BRAF: variants seen among roughly 807,000 people sequenced by gnomAD.
BRAF encodes B-Raf proto-oncogene, serine/threonine kinase.
BRAF carries 16 observed loss-of-function variants against 104.6 expected under a neutral mutation model. The ratio of observed to expected loss-of-function variants is 0.15; its 90% CI spans 0.10 to 0.23. The LOEUF is 0.23. Among genes scored for constraint, BRAF ranks in the 10% least tolerant of loss-of-function variants. BRAF has a pLI of 1.00. For missense variants in BRAF, 541 were observed against 937.3 expected (o/e 0.58, Z 5.52); for synonymous variants, 310 against 341.6 (o/e 0.91, Z 1.02).
chr7:140,810,244 C>G (rs561806113), intron 3 of BRAF, among the ~76,000 whole-genome samples: 1 of 151,708 alleles, frequency 6.6e-6, no homozygotes, highest in Non-Finnish European at 1.5e-5. Flanking sequence ...CCAGAAATAA[C>G]AGGACGCAGA....
At chr7:140,858,458 T>A (rs2129080920) in intron 1 of BRAF, among the ~76,000 whole-genome samples, 1 of 152,362 alleles carries the variant, frequency 6.6e-6, no homozygotes, top group South Asian at 2.1e-4. Context: ...GCAATTGGAC[T>A]AATCCAAAAT....
rs1294546846 is a variant in BRAF, at chr7:140,903,972, GT to G, written c.138+20593del. On this transcript the variant is annotated intron_variant, in intron 1 of 19. Coordinates refer to ENST00000644969, the MANE Select transcript of BRAF (RefSeq NM_001374258.1). ...TACTTCTTATGGATGAGTAAAAAAA[GT>G]GGTTTCTTGACATGAACTCTACTCT... 3.9e-5 allele frequency among the ~76,000 whole-genome samples: 6 copies of G among 152,230 alleles called. No individual in the cohort carries two copies. In the South Asian group the frequency reaches 6.2e-4, roughly 16 times the overall value.
At chr7:140,744,289 T>G (rs1161758672) in intron 17 of BRAF, among the ~76,000 whole-genome samples, 3 of 152,236 alleles carry the variant, frequency 2.0e-5, no homozygotes, top group Admixed American at 6.5e-5. Flanking sequence ...TCAGGTGAGC[T>G]TCCCTGGTTG....
At chr7:140,749,166 T>C (rs1797585430) in intron 17 of BRAF, 121 bp downstream of exon 16, 9 of 1,374,032 alleles carry the variant, frequency 6.6e-6, no homozygotes, top group South Asian at 1.3e-5. Context: ...TTTCTAAAAC[T>C]GGTAACAAAA....
intron 1 of BRAF, among the ~76,000 whole-genome samples, chr7:140,907,482 C>CA (rs1816453810): frequency 6.6e-6 from 1 of 152,138 alleles, no homozygotes; most frequent in African/African-American, 2.4e-5. Context: ...AGGATGGTCT[C>CA]AATCTCCTGA....
At chr7:140,866,109 T>C (rs1810936903) in intron 1 of BRAF, among the ~76,000 whole-genome samples, 1 of 152,216 alleles carries the variant, frequency 6.6e-6, no homozygotes, top group African/African-American at 2.4e-5. Context: ...TTCTGTCACA[T>C]AAAACTGAAT....
At chr7:140,808,194 A>G (rs1803853350) in intron 4 of BRAF, 132 bp from the exon 5 acceptor site, 2 of 718,818 alleles carry the variant, frequency 2.8e-6, no homozygotes, top group Admixed American at 4.1e-5. Context: ...CTAATATTCC[A>G]TCGTTAGAAA....
At chr7:140,828,074 T>C (rs540413427) in intron 3 of BRAF, among the ~76,000 whole-genome samples, 1 of 152,124 alleles carries the variant, frequency 6.6e-6, no homozygotes, top group South Asian at 2.1e-4. Flanking sequence ...TTTGTATTTA[T>C]AGTAGAGATG....
chr7:140,721,154 TA>T lies in BRAF; in HGVS notation c.*5339del. ...CTCATACACACTCGTCAAGTCACTA[TA>T]ATTATTCAAAATAGCTAAATAAATG... On this transcript the variant is annotated 3_prime_UTR_variant, in exon 20 of 20. Coordinates refer to ENST00000644969, the MANE Select transcript of BRAF (RefSeq NM_001374258.1). The T allele has an allele frequency of 9.4e-7, 1 of 1,064,162 alleles. No homozygotes were observed. The highest frequency in any genetic ancestry group is 1.1e-6 in the Non-Finnish European group (1 of 877,914). 65.9% of individuals were successfully genotyped at this position (1,064,162 alleles called of 1,614,324 possible).
At chr7:140,861,427 G>T (rs997093095) in intron 1 of BRAF, among the ~76,000 whole-genome samples, 1 of 152,200 alleles carries the variant, frequency 6.6e-6, no homozygotes, top group Non-Finnish European at 1.5e-5. Flanking sequence ...GTTACTGGGT[G>T]TATAGGTTTT....
At chr7:140,833,584 AG>A (rs1807018384) in intron 3 of BRAF, among the ~76,000 whole-genome samples, 1 of 152,234 alleles carries the variant, frequency 6.6e-6, no homozygotes, top group Non-Finnish European at 1.5e-5. Context: ...ATAAAGAGAA[AG>A]GGTAGAACTG....
In BRAF at chr7:140,767,599, C is replaced by T. The variant is rs192588213; in HGVS notation, c.1814+9313G>A. 7.2e-5 allele frequency among the ~76,000 whole-genome samples: 11 copies of T among 152,130 alleles called. No homozygotes were observed. The East Asian group carries it at 1.9e-3, about 27-fold the overall frequency. On this transcript the variant is annotated intron_variant, in intron 14 of 19. Coordinates refer to ENST00000644969, the MANE Select transcript of BRAF (RefSeq NM_001374258.1). Reference sequence around the variant, plus strand: ...GGCTTAAGGATATGAGGTTTTGAGGCGGTATGACAGTGTCTAAAAGAGGAC... The same window carrying T: ...GGCTTAAGGATATGAGGTTTTGAGGTGGTATGACAGTGTCTAAAAGAGGAC...
intron 16 of BRAF, among the ~76,000 whole-genome samples, chr7:140,750,036 G>C (rs925278025): frequency 6.6e-6 from 1 of 152,154 alleles, no homozygotes; most frequent in African/African-American, 2.4e-5. Flanking sequence ...AGAATCTTCT[G>C]GCTGCTGCTT....
intron 3 of BRAF, among the ~76,000 whole-genome samples, chr7:140,826,497 A>G (rs899108926): frequency 3.9e-5 from 6 of 152,168 alleles, no homozygotes; most frequent in African/African-American, 1.4e-4. Context: ...CACCATTTGA[A>G]GTTAAGTTTC....
At chr7:140,747,173 G>A (rs1797419989) in intron 17 of BRAF, among the ~76,000 whole-genome samples, 1 of 152,184 alleles carries the variant, frequency 6.6e-6, no homozygotes. Flanking sequence ...CCTTCAAAAT[G>A]TGGAGTTTCA....
intron 1 of BRAF, among the ~76,000 whole-genome samples, chr7:140,914,537 T>C (rs1372047349): frequency 6.6e-6 from 1 of 152,196 alleles, no homozygotes; most frequent in Non-Finnish European, 1.5e-5. Flanking sequence ...CTGACACTAT[T>C]CCCATGGAAG....
At chr7:140,717,442 ATT>A (rs200802027), downstream of BRAF, among the ~76,000 whole-genome samples, 2 of 149,972 alleles carry the variant, frequency 1.3e-5, no homozygotes, top group Admixed American at 1.3e-4. Flanking sequence ...AGCTAATTAA[ATT>A]TTTTTTTTGG....
At chr7:140,774,987 C>G (rs536563247) in intron 14 of BRAF, among the ~76,000 whole-genome samples, 2 of 152,304 alleles carry the variant, frequency 1.3e-5, no homozygotes, top group South Asian at 4.1e-4. Flanking sequence ...AGCCCCTGCT[C>G]TCATACAGCC....
chr7:140,784,576 G>C lies in BRAF; in HGVS notation c.1297+1113C>G, dbSNP rs1404725718. Among the ~76,000 whole-genome samples the C allele has an allele frequency of 2.0e-5, 3 of 151,894 alleles. No homozygotes were observed. The East Asian group carries it at 5.8e-4, about 29-fold the overall frequency. ...ATTACTACATTCAGAATATATAACA[G>C]ATACTAACTAGCAAGAGTCAGTAAA... On this transcript the variant is annotated intron_variant, in intron 10 of 19. Transcript: ENST00000644969.
Sources: allele counts gnomAD v4.1 joint callset (sites outside exome capture counted in the v4.1 genomes callset), GRCh38; gene constraint gnomAD v4.1.1; transcripts MANE v1.5; gene names NCBI Gene and HGNC (gene_info 2026-07-23, HGNC 2026-07-21).